Variants in CAMK2A observed in about 807,000 individuals in gnomAD.
The protein encoded by CAMK2A is calcium/calmodulin dependent protein kinase II alpha, also known as calcium/calmodulin-dependent protein kinase type II subunit alpha.
Under a neutral mutation model 79.2 loss-of-function variants are expected in CAMK2A, and 7 were observed. That is an observed-to-expected ratio of 0.09 (90% CI 0.05 to 0.17). CAMK2A has a LOEUF of 0.17. Ranked by LOEUF, CAMK2A falls within the 10% of genes least tolerant of loss-of-function variation. The pLI, the probability that CAMK2A is intolerant of heterozygous loss-of-function variation, is 1.00. For synonymous variants in CAMK2A, 242 were observed against 251.7 expected, an observed-to-expected ratio of 0.96 and a Z score of 0.36; for missense variants, 214 against 646.4, an observed-to-expected ratio of 0.33 and a Z score of 7.25.
At chr5:150,236,753 C>T (rs34112392) in intron 15 of CAMK2A, among the ~76,000 whole-genome samples, 78,407 of 152,124 alleles carry the variant, frequency 0.52, 21,915 homozygotes, top group Middle Eastern at 0.72. Context: ...GCCACATGCC[C>T]CTGGGGTCAT....
rs370847074 is a variant in CAMK2A at position 150,220,883 on chromosome 5, A to G, written c.*1827T>C. On this transcript the variant is annotated 3_prime_UTR_variant, in exon 19 of 19. Coordinates refer to ENST00000671881, the MANE Select transcript of CAMK2A (RefSeq NM_015981.4). ...AAAAGAACCCAGCAGACAGCTGGTG[A>G]TTGGGGAGAGCTCAGAAAATCTCGG... 3.3e-5 allele frequency: 5 copies of G among 152,596 alleles called. No homozygotes were observed. Among genetic ancestry groups the G allele is most frequent in the African/African-American group, 1.2e-4 (5 of 41,570 alleles). The allele number at this position is 152,596 out of a possible 1,614,324, so 9.5% of individuals were successfully genotyped here. A position where few individuals can be genotyped will look rare whatever the true frequency, so the allele number is the denominator to read the frequency against.
At chr5:150,233,259 G>A (rs1754921158) in intron 15 of CAMK2A, among the ~76,000 whole-genome samples, 1 of 152,180 alleles carries the variant, frequency 6.6e-6, no homozygotes, top group South Asian at 2.1e-4. Flanking sequence ...GCAAACTGAA[G>A]GTGAAAGAAG....
chr5:150,241,888 C>G (rs115999517), intron 13 of CAMK2A, among the ~76,000 whole-genome samples: 2,054 of 152,252 alleles, frequency 0.013, 43 homozygotes, highest in African/African-American at 0.045. Context: ...AGGCCAGGCA[C>G]AGAATGGGGA....
chr5:150,231,246 T>C (rs958647558), intron 16 of CAMK2A, 59 bp downstream of exon 16: 25 of 988,442 alleles, frequency 2.5e-5, no homozygotes, highest in Non-Finnish European at 3.4e-5. Context: ...AAGTTAGCCA[T>C]TGGTACCCCC....
intron 1 of CAMK2A, among the ~76,000 whole-genome samples, chr5:150,279,664 G>A (rs1757128264): frequency 6.6e-6 from 1 of 152,326 alleles, no homozygotes; most frequent in African/African-American, 2.4e-5. Flanking sequence ...CCACAGCGAG[G>A]TAAAGAAGGG....
At chr5:150,225,552 C>T (rs778024724) in intron 17 of CAMK2A, among the ~76,000 whole-genome samples, 11 of 152,176 alleles carry the variant, frequency 7.2e-5, no homozygotes, top group Non-Finnish European at 1.0e-4. Context: ...ATTTTGCCAT[C>T]GCTGAGCCTT....
chr5:150,239,611 GC>G, intron 14 of CAMK2A, 92 bp downstream of exon 14: 2 of 1,191,958 alleles, frequency 1.7e-6, no homozygotes, highest in Non-Finnish European at 2.5e-6. Flanking sequence ...CCCTCTCCCC[GC>G]CCCAGGTTCC....
At chr5:150,266,874 G>T (rs192967123) in intron 2 of CAMK2A, among the ~76,000 whole-genome samples, 4 of 152,224 alleles carry the variant, frequency 2.6e-5, no homozygotes, top group African/African-American at 4.8e-5. Context: ...GGGTGGGGGG[G>T]TGGTGAGAAT....
At chr5:150,250,338 G>A (rs759011911) in intron 10 of CAMK2A, 29 bp from the exon 11 acceptor site, 2 of 1,591,510 alleles carry the variant, frequency 1.3e-6, no homozygotes, top group Non-Finnish European at 1.7e-6. Context: ...AGGGCTGTGA[G>A]TGGAAGGCAG....
At chr5:150,242,965 C>T (rs1480537562) in intron 13 of CAMK2A, among the ~76,000 whole-genome samples, 3 of 152,230 alleles carry the variant, frequency 2.0e-5, no homozygotes, top group Non-Finnish European at 2.9e-5. Flanking sequence ...TCTTCTTCCA[C>T]ACCCAGGCCA....
intron 13 of CAMK2A, among the ~76,000 whole-genome samples, chr5:150,244,538 G>A (rs1476672157): frequency 6.6e-6 from 1 of 152,242 alleles, no homozygotes; most frequent in Non-Finnish European, 1.5e-5. Flanking sequence ...AGAGAGAAGA[G>A]ACGGGAAGGA....
At chr5:150,259,059 A>G (rs1309530499) in intron 3 of CAMK2A, among the ~76,000 whole-genome samples, 2 of 152,012 alleles carry the variant, frequency 1.3e-5, no homozygotes, top group South Asian at 2.1e-4. Flanking sequence ...CCATGCTTAT[A>G]ATCCCAGCTA....
intron 1 of CAMK2A, among the ~76,000 whole-genome samples, chr5:150,285,830 A>G (rs1160725103): frequency 6.6e-6 from 1 of 152,152 alleles, no homozygotes; most frequent in Non-Finnish European, 1.5e-5. Context: ...CAGCCCAGTG[A>G]TGACACAGGC....
chr5:150,280,035 G>A (rs1455746578), intron 1 of CAMK2A, among the ~76,000 whole-genome samples: 1 of 152,190 alleles, frequency 6.6e-6, no homozygotes, highest in African/African-American at 2.4e-5. Context: ...ACTCAGCTTG[G>A]CTACCAGCTT....
chr5:150,287,821 CT>C (rs1757486147), intron 1 of CAMK2A, among the ~76,000 whole-genome samples: 1 of 152,068 alleles, frequency 6.6e-6, no homozygotes, highest in South Asian at 2.1e-4. Context: ...GTTCCTGCCC[CT>C]ACCCGCAAAA....
intron 6 of CAMK2A, among the ~76,000 whole-genome samples, chr5:150,255,926 C>A (rs17712813): frequency 1.3e-5 from 2 of 152,230 alleles, no homozygotes; most frequent in Non-Finnish European, 2.9e-5. Flanking sequence ...CTACCAGCCA[C>A]TGATACCATG....
At position 150,228,209 on chromosome 5, in the gene CAMK2A, C is replaced by T. The variant is rs1442791113; in HGVS notation, c.1220G>A (p.Arg407Gln). Residue 407 changes from arginine to glutamine, a missense_variant, in exon 17 of 19, where the codon CGA becomes CAA. By Grantham distance (43) the Arg-to-Gln change is conservative. Around this residue, in one of 4 missense-constraint regions of CAMK2A, gnomAD observed 123 missense variants for 242.4 expected, o/e 0.51. Transcript: ENST00000671881. ...TTGCTCACGGTTTTCAAAATAGAATCGATGGAAGTCCAGGCCCTCAACCAG... is the reference window on the plus strand; with the variant it reads ...TTGCTCACGGTTTTCAAAATAGAATTGATGGAAGTCCAGGCCCTCAACCAG... ...GNLVEGLDFH[R>Q]FYFENLWSRN... The T allele has an allele frequency of 6.2e-7, 1 of 1,613,386 alleles. No individual in the cohort carries two copies. The highest frequency in any genetic ancestry group is 8.5e-7 in the Non-Finnish European group (1 of 1,179,578).
intron 3 of CAMK2A, 84 bp from the exon 4 acceptor site, chr5:150,257,701 C>A (rs1756119235): frequency 9.5e-7 from 1 of 1,049,240 alleles, no homozygotes; most frequent in East Asian, 2.6e-5. Flanking sequence ...CCGTGTATAT[C>A]CAACACCCCC....
chr5:150,221,227 G>A lies in CAMK2A; in HGVS notation c.*1483C>T. 2.5e-6 allele frequency: 1 copy of A among 394,052 alleles called. No homozygotes were observed. The highest frequency in any genetic ancestry group is 4.5e-6 in the Non-Finnish European group (1 of 223,516). 24.4% of individuals were successfully genotyped at this position (394,052 alleles called of 1,614,324 possible). ...CGTATAAAGTCATGCAAAGAAAACAGTGCAGACAGTAGATCCTAGTGGATG... is the reference window on the plus strand; with the variant it reads ...CGTATAAAGTCATGCAAAGAAAACAATGCAGACAGTAGATCCTAGTGGATG... On this transcript the variant is annotated 3_prime_UTR_variant, in exon 19 of 19. Coordinates refer to ENST00000671881, the MANE Select transcript of CAMK2A (RefSeq NM_015981.4).
Sources: gnomAD v4.1 joint callset for allele counts (sites outside exome capture counted in the v4.1 genomes callset) on GRCh38, gnomAD v4.1.1 for gene constraint, gnomAD v4.1.1 regional missense constraint, MANE v1.5 for transcripts, NCBI Gene and HGNC (gene_info 2026-07-23, HGNC 2026-07-21) for gene names.